Variants in MMP2 observed in about 807,000 individuals in gnomAD.
The protein encoded by MMP2 is 72 kDa type IV collagenase.
Under a neutral mutation model 74.8 loss-of-function variants are expected in MMP2, and 39 were observed. That is an observed-to-expected ratio of 0.52 (90% confidence interval 0.40 to 0.68). The LOEUF (loss-of-function observed/expected upper bound fraction) is 0.68, where lower values mean the gene tolerates loss of function less well. Among genes scored for constraint, MMP2 ranks in the 30% least tolerant of loss-of-function variants. MMP2 has a pLI of 0.00. For missense variants in MMP2, 803 were observed against 878.3 expected (o/e 0.91, Z 1.08); for synonymous variants, 367 against 339.8 (o/e 1.08, Z -0.88).
chr16:55,479,618 A>G lies in MMP2; in HGVS notation c.139A>G (p.Lys47Glu), dbSNP rs1293814333. ...FPGDVAPKTD[K>E]ELAVQYLNTF... ...CGGCGATGTCGCCCCCAAAACGGACAAAGAGTTGGCAGTGGTGAGTTGCTG... is the reference window on the plus strand; with the variant it reads ...CGGCGATGTCGCCCCCAAAACGGACGAAGAGTTGGCAGTGGTGAGTTGCTG... Residue 47 changes from lysine to glutamate, a missense_variant, in exon 1 of 13, where the codon AAA becomes GAA. By Grantham distance (56) the Lys-to-Glu change is moderately conservative. This residue lies in a region of MMP2 where 223 missense variants were observed against 232.8 expected (regional missense o/e 0.96). Coordinates refer to ENST00000219070, the MANE Select transcript of MMP2 (RefSeq NM_004530.6). 1.2e-6 allele frequency: 2 copies of G among 1,613,778 alleles called. No homozygotes were observed. The highest frequency in any genetic ancestry group is 1.3e-5 in the African/African-American group (1 of 75,042).
At chr16:55,486,322 CGT>C (rs35367564) in intron 5 of MMP2, among the ~76,000 whole-genome samples, 45,595 of 127,742 alleles carry the variant, frequency 0.36, 7,200 homozygotes, top group Admixed American at 0.43. Flanking sequence ...TCTGCTAATG[CGT>C]GTGTGTGTGT....
chr16:55,500,494 T>TACACACACACACACACAC (rs55996787), intron 11 of MMP2, among the ~76,000 whole-genome samples: 3,402 of 136,182 alleles, frequency 0.025, 150 homozygotes, highest in East Asian at 0.05. Flanking sequence ...CATGTGCGCA[T>TACACACACACACACACAC]ACACACACAC....
intron 10 of MMP2, 110 bp downstream of exon 10, chr16:55,497,172 G>A (rs1022355392): frequency 1.9e-5 from 27 of 1,409,462 alleles, no homozygotes; most frequent in Middle Eastern, 1.9e-4. Context: ...CTATGCACCC[G>A]TGGGTGCTCC....
chr16:55,499,697 C>G (rs1432582273), intron 11 of MMP2, among the ~76,000 whole-genome samples: 2 of 152,184 alleles, frequency 1.3e-5, no homozygotes, highest in African/African-American at 4.8e-5. Context: ...AATTAAATAA[C>G]TTGTTCAAGC....
rs940516591 is a variant in MMP2, at chr16:55,505,210, C to T, written c.1880-129C>T. On this transcript the variant is annotated intron_variant, in intron 12 of 12. Coordinates refer to ENST00000219070, the MANE Select transcript of MMP2 (RefSeq NM_004530.6). Reference sequence around the variant, plus strand: ...GCTCAAGCAATCCTCCTGCCTCAGCCTTTCAAAGCTCTCTTCTCGTTTAAA... The same window carrying T: ...GCTCAAGCAATCCTCCTGCCTCAGCTTTTCAAAGCTCTCTTCTCGTTTAAA... 5 of 852,970 alleles carry T rather than the reference C, an allele frequency of 5.9e-6. No homozygotes were observed. In the East Asian group the frequency reaches 7.3e-5, roughly 12 times the overall value. 52.8% of individuals were successfully genotyped at this position (852,970 alleles called of 1,614,324 possible).
chr16:55,488,777 A>G, intron 6 of MMP2, 61 bp downstream of exon 6: 2 of 1,511,224 alleles, frequency 1.3e-6, no homozygotes, highest in East Asian at 2.5e-5. Flanking sequence ...CAAAAAAAAA[A>G]CCCATAAGAC....
chr16:55,484,075 C>G lies in MMP2; in HGVS notation c.440C>G (p.Ala147Gly), dbSNP rs1305677271. The change falls in exon 3 of 13, where the codon GCC becomes GGC. Residue 147 changes from alanine to glycine, a missense_variant. Physicochemically the swap from Ala to Gly is moderately conservative, Grantham distance 60. Coordinates refer to ENST00000219070, the MANE Select transcript of MMP2 (RefSeq NM_004530.6). ...ACAGTGGATGATGCCTTTGCTCGTGCCTTCCAAGTCTGGAGCGATGTGACC... is the reference window on the plus strand; with the variant it reads ...ACAGTGGATGATGCCTTTGCTCGTGGCTTCCAAGTCTGGAGCGATGTGACC... The part of the protein sequence containing the change: ...PETVDDAFAR[A>G]FQVWSDVTPL... The G allele has an allele frequency of 6.8e-6, 11 of 1,614,110 alleles. No homozygotes were observed. Among genetic ancestry groups the G allele is most frequent in the African/African-American group, 2.7e-5 (2 of 75,024 alleles).
chr16:55,503,893 C>T (rs1465231008), intron 12 of MMP2, among the ~76,000 whole-genome samples: 1 of 152,188 alleles, frequency 6.6e-6, no homozygotes, highest in African/African-American at 2.4e-5. Flanking sequence ...TGGTTCACAC[C>T]TGTCATCCCA....
intron 1 of MMP2, chr16:55,481,718 A>T: frequency 1.6e-6 from 1 of 636,832 alleles, no homozygotes; most frequent in South Asian, 1.9e-5. Context: ...ATAACTCTGG[A>T]CTTAGACCGC....
At chr16:55,481,842 A>T in intron 1 of MMP2, 1 of 763,546 alleles carries the variant, frequency 1.3e-6, no homozygotes, top group Non-Finnish European at 2.4e-6. Context: ...TCTCAGGGTT[A>T]AAAGAGAGGT....
chr16:55,502,721 A>T (rs1555493443), intron 11 of MMP2, 58 bp from the exon 12 acceptor site: 1 of 1,489,358 alleles, frequency 6.7e-7, no homozygotes, highest in Non-Finnish European at 9.4e-7. Flanking sequence ...CATCCAGGCC[A>T]GGGGGGAAGT....
chr16:55,498,467 T>C lies in MMP2; in HGVS notation c.1769+19T>C, dbSNP rs1313487444. The C allele has an allele frequency of 3.7e-6, 6 of 1,613,990 alleles. No individual in the cohort carries two copies. The highest frequency in any genetic ancestry group is 5.1e-6 in the Non-Finnish European group (6 of 1,179,970). ...TCTGGAGGTAAGGGAGGGCGGTGGG[T>C]AGGACAGCAGCACAGTTGGCTGCGA... On this transcript the variant is annotated intron_variant, in intron 11 of 12. Transcript: ENST00000219070.
chr16:55,483,185 A>G, intron 2 of MMP2, 50 bp downstream of exon 2: 1 of 1,469,300 alleles, frequency 6.8e-7, no homozygotes. Flanking sequence ...GAGGGACACG[A>G]GTCTCCTTGA....
Position 55,485,610 on chromosome 16 carries a change from G to C in MMP2, c.665G>C (p.Arg222Pro). Residue 222 changes from arginine (R) to proline (P), a missense_variant, in exon 5 of 13, where the codon CGT (arginine) becomes CCT (proline). By Grantham distance (103) the Arg-to-Pro change is moderately radical. Coordinates refer to ENST00000219070, the MANE Select transcript of MMP2 (RefSeq NM_004530.6). ...CTTCCATGTCACTCTTTAGTGGTCC[G>C]TGTGAAGTATGGGAACGCCGATGGG... The part of the protein sequence containing the change: ...LWTLGEGQVV[R>P]VKYGNADGEY... 1.2e-6 allele frequency: 2 copies of C among 1,614,118 alleles called. No individual in the cohort carries two copies. The highest frequency in any genetic ancestry group is 1.7e-6 in the Non-Finnish European group (2 of 1,179,996).
chr16:55,488,767 C>CAAA, intron 6 of MMP2, 51 bp downstream of exon 6: 1 of 1,375,394 alleles, frequency 7.3e-7, no homozygotes, highest in South Asian at 1.3e-5. Context: ...TGCTGTCTGA[C>CAAA]AAAAAAAAAA....
intron 3 of MMP2, among the ~76,000 whole-genome samples, chr16:55,484,519 T>C (rs1456719595): frequency 6.6e-6 from 1 of 152,234 alleles, no homozygotes; most frequent in Admixed American, 6.5e-5. Flanking sequence ...ACTGGGCACA[T>C]TTTAAGTGCT....
At chr16:55,480,603 T>G (rs1962075026) in intron 1 of MMP2, 1 of 152,434 alleles carries the variant, frequency 6.6e-6, no homozygotes, top group South Asian at 2.1e-4. Context: ...GTTGCGTAAG[T>G]AGGGCCTGAG....
chr16:55,493,241 G>C lies in MMP2; in HGVS notation c.1420G>C (p.Val474Leu). The C allele has an allele frequency of 6.2e-7, 1 of 1,614,174 alleles. No individual in the cohort carries two copies. Among genetic ancestry groups the C allele is most frequent in the Non-Finnish European group, 8.5e-7 (1 of 1,180,032 alleles). ...TCCTGAGATCTGCAAACAGGACATT[G>C]TATTTGATGGCATCGCTCAGATCCG... is the stretch of plus-strand genomic sequence containing the variant. ...VTPEICKQDI[V>L]FDGIAQIRGE... The change falls in exon 9 of 13, where the codon GTA becomes CTA. Residue 474 changes from valine to leucine, a missense_variant. Coordinates refer to ENST00000219070, the MANE Select transcript of MMP2 (RefSeq NM_004530.6).
intron 6 of MMP2, 85 bp from the exon 7 acceptor site, chr16:55,489,566 C>T (rs866637297): frequency 1.3e-6 from 2 of 1,524,962 alleles, no homozygotes; most frequent in Non-Finnish European, 9.0e-7. Context: ...AGGTGTGGTT[C>T]ATTAAGGTCA....
Sources: allele counts gnomAD v4.1 joint callset (sites outside exome capture counted in the v4.1 genomes callset), GRCh38; gene constraint gnomAD v4.1.1; regional missense constraint gnomAD v4.1.1; transcripts MANE v1.5; gene names NCBI Gene and HGNC (gene_info 2026-07-23, HGNC 2026-07-21).